PPP2R2C: variants seen among roughly 807,000 people sequenced by gnomAD.
PPP2R2C encodes protein phosphatase 2, regulatory subunit B, gamma.
Under a neutral mutation model 45.3 loss-of-function variants are expected in PPP2R2C, and 10 were observed. The ratio of observed to expected loss-of-function variants is 0.22; its 90% confidence interval spans 0.14 to 0.37. PPP2R2C has a LOEUF of 0.37. PPP2R2C is among the 10% of genes least tolerant of loss of function. The probability of loss-of-function intolerance (pLI) is 1.00; values close to 1 mark genes in which losing one functional copy is unlikely to be tolerated. For missense variants in PPP2R2C, 308 were observed against 619.7 expected, an observed-to-expected ratio of 0.50 and a Z score of 5.34; for synonymous variants, 257 against 245.4, an observed-to-expected ratio of 1.05 and a Z score of -0.44.
intron 2 of PPP2R2C, among the ~76,000 whole-genome samples, chr4:6,487,052 AACT>A: frequency 6.6e-6 from 1 of 152,082 alleles, no homozygotes; most frequent in Non-Finnish European, 1.5e-5. Context: ...ATACATCTTT[AACT>A]TATCACAGTC....
intron 8 of PPP2R2C, among the ~76,000 whole-genome samples, chr4:6,326,555 G>A (rs932290924): frequency 5.3e-5 from 8 of 152,184 alleles, no homozygotes; most frequent in Non-Finnish European, 8.8e-5. Context: ...CTGCCAATAG[G>A]ATAGTCCACG....
intron 1 of PPP2R2C, among the ~76,000 whole-genome samples, chr4:6,401,559 G>A (rs1182407317): frequency 2.0e-5 from 3 of 152,052 alleles, no homozygotes; most frequent in Non-Finnish European, 1.5e-5. Context: ...GAGCAGCTGG[G>A]GGCCAAACAC....
chr4:6,381,466 C>A, intron 1 of PPP2R2C: 2 of 1,370,926 alleles, frequency 1.5e-6, no homozygotes, highest in South Asian at 3.0e-5. Context: ...CCCCTGCCAC[C>A]CAGGCCCCCA....
chr4:6,533,151 G>A (rs1560607019), intron 2 of PPP2R2C, among the ~76,000 whole-genome samples: 1 of 152,160 alleles, frequency 6.6e-6, no homozygotes, highest in African/African-American at 2.4e-5. Context: ...TGCTATTGAA[G>A]AATTCACAAT....
intron 5 of PPP2R2C, among the ~76,000 whole-genome samples, chr4:6,359,670 C>T (rs941313597): frequency 5.9e-5 from 9 of 151,304 alleles, no homozygotes; most frequent in African/African-American, 1.9e-4. Context: ...ACCAGAGGCA[C>T]AGCCTGCTCT....
intron 1 of PPP2R2C, among the ~76,000 whole-genome samples, chr4:6,400,773 G>C (rs995417539): frequency 2.0e-5 from 3 of 152,238 alleles, no homozygotes; most frequent in Non-Finnish European, 4.4e-5. Flanking sequence ...CAAAGGAGAA[G>C]TTAAGGTTGG....
At chr4:6,431,444 T>G (rs979567631) in intron 1 of PPP2R2C, among the ~76,000 whole-genome samples, 2 of 152,220 alleles carry the variant, frequency 1.3e-5, no homozygotes, top group African/African-American at 4.8e-5. Context: ...CTGCTCAGGC[T>G]GAGACTACGG....
At chr4:6,438,131 C>G (rs376221679) in intron 1 of PPP2R2C, among the ~76,000 whole-genome samples, 1 of 152,178 alleles carries the variant, frequency 6.6e-6, no homozygotes. Flanking sequence ...GAGTCACAGC[C>G]CTATTACAGC....
In PPP2R2C at chr4:6,338,461, G is replaced by A. The variant is rs73075144; in HGVS notation, c.791-4730C>T. Among the ~76,000 whole-genome samples the A allele has an allele frequency of 6.5e-3, 992 of 152,236 alleles. 6 individuals carry two copies. The highest frequency in any genetic ancestry group is 0.023 in the African/African-American group (961 of 41,542). On this transcript the variant is annotated intron_variant, in intron 6 of 8. Coordinates refer to ENST00000382599, the MANE Select transcript of PPP2R2C (RefSeq NM_020416.4). ...GGGGAGCCCAACCAAGGTGTGGGGC[G>A]GCTCTGACGGACCTGTGAATCAAAG...
chr4:6,411,357 G>A (rs1718179341), intron 1 of PPP2R2C, among the ~76,000 whole-genome samples: 1 of 152,096 alleles, frequency 6.6e-6, no homozygotes, highest in South Asian at 2.1e-4. Flanking sequence ...AATGAATACT[G>A]GAGCTGATGG....
chr4:6,417,168 C>T (rs1227253604), intron 1 of PPP2R2C, among the ~76,000 whole-genome samples: 5 of 152,114 alleles, frequency 3.3e-5, no homozygotes, highest in Admixed American at 6.5e-5. Flanking sequence ...AGCCCCTGGG[C>T]GGGGAGGGGG....
rs948676242 is a variant in PPP2R2C, at chr4:6,331,389, T to G, written c.961-2036A>C. On this transcript the variant is annotated intron_variant, in intron 7 of 8. Coordinates refer to ENST00000382599, the MANE Select transcript of PPP2R2C (RefSeq NM_020416.4). The surrounding 1 kb of genome is among the most constrained non-coding windows in gnomAD (Gnocchi z 5.9). ...TCCCAGGACAGCTGGGAGGCTTAGA[T>G]GAGGCAAAGCATATTATGGACTTAC... 6.6e-6 allele frequency among the ~76,000 whole-genome samples: 1 copy of G among 151,914 alleles called. No individual in the cohort carries two copies. Among genetic ancestry groups the G allele is most frequent in the Non-Finnish European group, 1.5e-5 (1 of 67,980 alleles).
At chr4:6,386,833 G>C (rs545385225) in intron 1 of PPP2R2C, among the ~76,000 whole-genome samples, 1 of 152,156 alleles carries the variant, frequency 6.6e-6, no homozygotes, top group East Asian at 1.9e-4. Context: ...GTTAAAAGAC[G>C]TAAAGAAAAT....
At chr4:6,480,530 T>G (rs1202213591) in intron 2 of PPP2R2C, among the ~76,000 whole-genome samples, 1 of 152,228 alleles carries the variant, frequency 6.6e-6, no homozygotes, top group Non-Finnish European at 1.5e-5. Flanking sequence ...AGCATACCAT[T>G]AATGTATTAT....
At chr4:6,512,384 T>C (rs1577231569) in intron 2 of PPP2R2C, among the ~76,000 whole-genome samples, 4 of 76,528 alleles carry the variant, frequency 5.2e-5, no homozygotes, top group African/African-American at 1.4e-4. Context: ...GTGGTGGTGG[T>C]GGTGATGGTG....
intron 3 of PPP2R2C, among the ~76,000 whole-genome samples, chr4:6,377,677 A>T (rs1040301043): frequency 3.9e-5 from 6 of 152,126 alleles, no homozygotes; most frequent in South Asian, 2.1e-4. Flanking sequence ...AAGAAAAAAA[A>T]GAATCCAGGT....
intron 5 of PPP2R2C, chr4:6,349,508 G>A (rs1712334314): frequency 2.0e-6 from 2 of 985,404 alleles, no homozygotes; most frequent in Admixed American, 1.2e-4. Context: ...AATACTGACT[G>A]AAACTCTGAA....
At chr4:6,372,794 G>A in intron 4 of PPP2R2C, 94 bp from the exon 5 acceptor site, 1 of 1,309,126 alleles carries the variant, frequency 7.6e-7, no homozygotes, top group Non-Finnish European at 1.1e-6. Context: ...CCGGAGGCTG[G>A]AACACAGGGG....
intron 5 of PPP2R2C, among the ~76,000 whole-genome samples, chr4:6,365,216 G>A (rs1330473078): frequency 6.6e-6 from 1 of 152,172 alleles, no homozygotes; most frequent in African/African-American, 2.4e-5. Context: ...ACCAATGAAT[G>A]CACAGAACCG....
Sources: allele counts gnomAD v4.1 joint callset (sites outside exome capture counted in the v4.1 genomes callset), GRCh38; gene constraint gnomAD v4.1.1; non-coding constraint Gnocchi (gnomAD v3.1); transcripts MANE v1.5; gene names NCBI Gene and HGNC (gene_info 2026-07-23, HGNC 2026-07-21).